RAPGEF5: variants seen among roughly 807,000 people sequenced by gnomAD.
The protein encoded by RAPGEF5 is M-Ras-regulated GEF.
A neutral mutation model predicts 125.2 loss-of-function variants in RAPGEF5; 65 were observed. The observed-to-expected ratio is 0.52, with a 90% CI of 0.43 to 0.64. RAPGEF5 has a LOEUF of 0.64. Ranked by LOEUF, RAPGEF5 falls within the 30% of genes least tolerant of loss-of-function variation. The probability of loss-of-function intolerance (pLI) is 0.00; values close to 1 mark genes in which losing one functional copy is unlikely to be tolerated. For synonymous variants in RAPGEF5, 391 were observed against 385.9 expected (o/e 1.01, Z -0.16); for missense variants, 958 against 1,048.1 (o/e 0.91, Z 1.19).
chr7:22,154,562 A>G lies in RAPGEF5; in HGVS notation c.1679T>C (p.Val560Ala). The change falls in exon 17 of 26, where the codon GTG becomes GCG. Residue 560 changes from valine (V) to alanine (A), a missense_variant. Coordinates refer to ENST00000665637, the MANE Select transcript of RAPGEF5 (RefSeq NM_012294.5). Reference sequence around the variant, plus strand: ...GGCTATACTGGAAACTTTTGCCTTCACACTGACATAGGAGTGCTCTGTTAT... The same window carrying G: ...GGCTATACTGGAAACTTTTGCCTTCGCACTGACATAGGAGTGCTCTGTTAT... ...VYITEHSYVS[V>A]KAKVSSIAQE... The G allele has an allele frequency of 6.2e-7, 1 of 1,613,888 alleles. No individual in the cohort carries two copies. The highest frequency in any genetic ancestry group is 8.5e-7 in the Non-Finnish European group (1 of 1,179,804).
intron 24 of RAPGEF5, among the ~76,000 whole-genome samples, chr7:22,130,451 G>A (rs1023987864): frequency 1.3e-5 from 2 of 152,178 alleles, no homozygotes; most frequent in African/African-American, 2.4e-5. Context: ...TAAGGAGGGA[G>A]GGTACTTTGC....
chr7:22,146,879 T>C lies in RAPGEF5; in HGVS notation c.2007+18A>G. 6.2e-7 allele frequency: 1 copy of C among 1,606,046 alleles called. No homozygotes were observed. The highest frequency in any genetic ancestry group is 1.1e-5 in the South Asian group (1 of 89,414). Reference sequence around the variant, plus strand: ...GTTAAAACAGCATTTGTATTTTATCTTGTCACTCCTCATTTACCTCGTGAA... The same window carrying C: ...GTTAAAACAGCATTTGTATTTTATCCTGTCACTCCTCATTTACCTCGTGAA... On this transcript the variant is annotated intron_variant, in intron 19 of 25. Transcript: ENST00000665637.
intron 12 of RAPGEF5, among the ~76,000 whole-genome samples, chr7:22,165,060 C>A (rs35621480): frequency 3.7e-4 from 56 of 152,058 alleles, no homozygotes; most frequent in Non-Finnish European, 7.2e-4. Context: ...GGTATTATTT[C>A]ATAAAAGGCA....
chr7:22,243,166 G>A (rs1264349338), intron 7 of RAPGEF5, among the ~76,000 whole-genome samples: 35 of 152,032 alleles, frequency 2.3e-4, no homozygotes, highest in Admixed American at 6.6e-5. Context: ...AAGTACTTAC[G>A]GCTCACAAAA....
At chr7:22,314,288 G>A (rs1783541562) in intron 3 of RAPGEF5, among the ~76,000 whole-genome samples, 1 of 152,060 alleles carries the variant, frequency 6.6e-6, no homozygotes, top group Non-Finnish European at 1.5e-5. Flanking sequence ...CACTATATCT[G>A]GATAGTGGCT....
intron 7 of RAPGEF5, among the ~76,000 whole-genome samples, chr7:22,262,570 CTGAG>C (rs776033625): frequency 3.6e-4 from 55 of 152,232 alleles, no homozygotes; most frequent in African/African-American, 1.2e-3. Flanking sequence ...AATTGTACTC[CTGAG>C]TATTTATTCC....
chr7:22,195,799 GAACA>G (rs1785135671), intron 9 of RAPGEF5, among the ~76,000 whole-genome samples: 2 of 152,154 alleles, frequency 1.3e-5, no homozygotes, highest in African/African-American at 2.4e-5. Context: ...GAGACACACA[GAACA>G]AACAAATAAT....
chr7:22,196,464 C>A (rs1475106644), intron 9 of RAPGEF5, among the ~76,000 whole-genome samples: 1 of 152,178 alleles, frequency 6.6e-6, no homozygotes, highest in Non-Finnish European at 1.5e-5. Context: ...AATTGACATT[C>A]ATTCAACAAA....
At chr7:22,289,648 T>C (rs1296134635) in intron 6 of RAPGEF5, among the ~76,000 whole-genome samples, 2 of 152,254 alleles carry the variant, frequency 1.3e-5, no homozygotes, top group Non-Finnish European at 2.9e-5. Flanking sequence ...GTTTTCAAAA[T>C]ATGCTGTCAA....
In RAPGEF5 at chr7:22,220,091, T is replaced by C. The variant is rs763534326; in HGVS notation, c.871-100A>G. 37 of 1,397,660 alleles carry C rather than the reference T, an allele frequency of 2.6e-5. No homozygotes were observed. In the South Asian group the frequency reaches 4.3e-4, roughly 16 times the overall value. 86.6% of individuals were successfully genotyped at this position (1,397,660 alleles called of 1,614,324 possible). A position where few individuals can be genotyped will look rare whatever the true frequency, so the allele number is the denominator to read the frequency against. ...CTTATAATAAGCTCATCTTTTCCACTGCCTGGATTAAATCATGGTCTTGGT... is the reference window on the plus strand; with the variant it reads ...CTTATAATAAGCTCATCTTTTCCACCGCCTGGATTAAATCATGGTCTTGGT... On this transcript the variant is annotated intron_variant, in intron 8 of 25. Transcript: ENST00000665637.
At chr7:22,319,396 G>A (rs941504257) in intron 1 of RAPGEF5, among the ~76,000 whole-genome samples, 1 of 152,124 alleles carries the variant, frequency 6.6e-6, no homozygotes, top group Non-Finnish European at 1.5e-5. Context: ...CCCTTCCCCA[G>A]GCCACATGGC....
chr7:22,151,860 A>G (rs556884831), intron 17 of RAPGEF5, among the ~76,000 whole-genome samples: 255 of 152,302 alleles, frequency 1.7e-3, no homozygotes, highest in Non-Finnish European at 2.5e-3. Flanking sequence ...AATATTTTTC[A>G]TATATTCCTC....
At chr7:22,239,390 C>T (rs1008952489) in intron 7 of RAPGEF5, among the ~76,000 whole-genome samples, 4 of 152,192 alleles carry the variant, frequency 2.6e-5, no homozygotes, top group Non-Finnish European at 4.4e-5. Flanking sequence ...GCTGTATGTT[C>T]GGGAAAGCCA....
At chr7:22,166,082 C>CATAT (rs201806238) in intron 12 of RAPGEF5, among the ~76,000 whole-genome samples, 4 of 142,184 alleles carry the variant, frequency 2.8e-5, no homozygotes, top group African/African-American at 7.9e-5. Flanking sequence ...ATATATGTAT[C>CATAT]ATATATATAT....
intron 11 of RAPGEF5, 127 bp downstream of exon 11, chr7:22,193,240 T>C (rs1785050818): frequency 9.9e-7 from 1 of 1,012,734 alleles, no homozygotes; most frequent in Non-Finnish European, 1.4e-6. Flanking sequence ...AAGGGACGAG[T>C]CGCACAAAGC....
chr7:22,220,094 C>T (rs1785748471), intron 8 of RAPGEF5, 103 bp from the exon 9 acceptor site: 13 of 1,388,866 alleles, frequency 9.4e-6, no homozygotes, highest in Non-Finnish European at 1.3e-5. Flanking sequence ...TTTCCACTGC[C>T]TGGATTAAAT....
At chr7:22,349,094 A>C (rs75661020) in intron 1 of RAPGEF5, among the ~76,000 whole-genome samples, 1 of 59,838 alleles carries the variant, frequency 1.7e-5, no homozygotes, top group Non-Finnish European at 4.1e-5. Flanking sequence ...GCCTAAAAGA[A>C]AAAAAAAAAA....
At chr7:22,205,789 C>T (rs1390256383) in intron 9 of RAPGEF5, among the ~76,000 whole-genome samples, 2 of 152,172 alleles carry the variant, frequency 1.3e-5, no homozygotes, top group African/African-American at 4.8e-5. Context: ...AGAAACAATT[C>T]CAAATATTTA....
At chr7:22,169,726 G>C (rs1429632025) in intron 11 of RAPGEF5, among the ~76,000 whole-genome samples, 2 of 150,808 alleles carry the variant, frequency 1.3e-5, no homozygotes, top group Admixed American at 1.3e-4. Flanking sequence ...TGGGTGTGGT[G>C]GCATATGCCT....
Sources: allele counts gnomAD v4.1 joint callset (sites outside exome capture counted in the v4.1 genomes callset), GRCh38; gene constraint gnomAD v4.1.1; transcripts MANE v1.5; gene names NCBI Gene and HGNC (gene_info 2026-07-23, HGNC 2026-07-21).